ZDHHC21: variants seen among roughly 807,000 people sequenced by gnomAD.
ZDHHC21 encodes the protein palmitoyltransferase ZDHHC21.
Under a neutral mutation model 34.6 loss-of-function variants are expected in ZDHHC21, and 15 were observed. The observed-to-expected ratio is 0.43, with a 90% CI of 0.29 to 0.67. The LOEUF is 0.67. Among genes scored for constraint, ZDHHC21 ranks in the 30% least tolerant of loss-of-function variants. ZDHHC21 has a pLI of 0.14. For missense variants in ZDHHC21, 344 were observed against 327.7 expected (o/e 1.05, Z -0.38); for synonymous variants, 142 against 101.8 (o/e 1.40, Z -2.38).
chr9:14,665,702 T>C (rs951354986), intron 5 of ZDHHC21, among the ~76,000 whole-genome samples: 3 of 139,666 alleles, frequency 2.1e-5, no homozygotes, highest in Non-Finnish European at 4.7e-5. Context: ...TTCAACATTC[T>C]TAAAGAAAAG....
chr9:14,675,070 A>T (rs1364734207), intron 3 of ZDHHC21, among the ~76,000 whole-genome samples: 4 of 152,058 alleles, frequency 2.6e-5, no homozygotes, highest in Non-Finnish European at 4.4e-5. Context: ...AAATACTAAA[A>T]TTCATAGAAT....
At chr9:14,670,288 G>A (rs1835220002) in intron 5 of ZDHHC21, among the ~76,000 whole-genome samples, 1 of 152,054 alleles carries the variant, frequency 6.6e-6, no homozygotes, top group African/African-American at 2.4e-5. Flanking sequence ...GTTAGAGAAA[G>A]CCTACAATTT....
At chr9:14,682,648 G>A (rs568815124) in intron 2 of ZDHHC21, among the ~76,000 whole-genome samples, 239 of 152,226 alleles carry the variant, frequency 1.6e-3, no homozygotes, top group Non-Finnish European at 2.9e-3. Flanking sequence ...AGTTAACAAG[G>A]ATATCCAGGA....
chr9:14,622,748 C>A (rs1825522367), intron 8 of ZDHHC21: 2 of 985,076 alleles, frequency 2.0e-6, no homozygotes, highest in African/African-American at 1.7e-5. Context: ...TCTTTTGAGT[C>A]TGGAAGTAAG....
At chr9:14,625,242 T>C (rs754842680) in intron 8 of ZDHHC21, among the ~76,000 whole-genome samples, 1 of 152,072 alleles carries the variant, frequency 6.6e-6, no homozygotes, top group Non-Finnish European at 1.5e-5. Flanking sequence ...AAGAGGGAAA[T>C]GTCCTGTTAA....
chr9:14,665,872 G>A (rs375808364), intron 5 of ZDHHC21, among the ~76,000 whole-genome samples: 76 of 150,200 alleles, frequency 5.1e-4, no homozygotes, highest in African/African-American at 1.7e-3. Context: ...AAGGAACAAC[G>A]GGTACCAGCC....
rs528777461 is a variant in ZDHHC21 at position 14,678,159 on chromosome 9, C to T, written c.-46+1874G>A. On this transcript the variant is annotated intron_variant, in intron 3 of 9. Transcript: ENST00000380916. ...ACTCTCCATTTGAAATTTTTCCTGG[C>T]ACTTCAGTTCACAATGATTTATCTT... Among the ~76,000 whole-genome samples, 6 of 152,150 alleles carry T rather than the reference C, an allele frequency of 3.9e-5. No individual in the cohort carries two copies. In the East Asian group the frequency reaches 1.2e-3, roughly 29 times the overall value.
chr9:14,635,398 C>G (rs1365455946), intron 8 of ZDHHC21, among the ~76,000 whole-genome samples: 1 of 152,142 alleles, frequency 6.6e-6, no homozygotes, highest in Non-Finnish European at 1.5e-5. Context: ...ATCAAACTAT[C>G]AAAAGTCAAA....
chr9:14,597,213 C>T, the ZDHHC21 span, among the ~76,000 whole-genome samples: 4 of 152,086 alleles, frequency 2.6e-5, no homozygotes, highest in East Asian at 3.9e-4. Flanking sequence ...AGCTCAGCTC[C>T]CACCAGACTA....
chr9:14,639,119 A>G (rs566857875), intron 8 of ZDHHC21, among the ~76,000 whole-genome samples: 2 of 152,266 alleles, frequency 1.3e-5, no homozygotes, highest in Admixed American at 1.3e-4. Context: ...GTGTCTATCA[A>G]CAGATGAATG....
chr9:14,626,384 A>G (rs1407297676), intron 8 of ZDHHC21, among the ~76,000 whole-genome samples: 1 of 151,992 alleles, frequency 6.6e-6, no homozygotes, highest in Non-Finnish European at 1.5e-5. Context: ...GTAAAAGGAA[A>G]ACCCATAAAT....
intron 8 of ZDHHC21, among the ~76,000 whole-genome samples, chr9:14,629,830 T>C (rs10125272): frequency 0.76 from 114,757 of 151,910 alleles, 43,584 homozygotes; most frequent in African/African-American, 0.82. Flanking sequence ...AGGTGGATAT[T>C]GAGGTCAAGC....
intron 5 of ZDHHC21, among the ~76,000 whole-genome samples, chr9:14,670,898 T>C (rs564527390): frequency 6.6e-6 from 1 of 152,220 alleles, no homozygotes; most frequent in South Asian, 2.1e-4. Context: ...CTCTAAAGCC[T>C]TTCTTAGTCA....
chr9:14,622,419 G>A, intron 8 of ZDHHC21: 1 of 474,968 alleles, frequency 2.1e-6, no homozygotes, highest in Non-Finnish European at 2.7e-6. Context: ...GGGGGGCGGG[G>A]AAGTTCCTAA....
At chr9:14,591,443 G>A in the ZDHHC21 span, among the ~76,000 whole-genome samples, 1 of 152,086 alleles carries the variant, frequency 6.6e-6, no homozygotes, top group South Asian at 2.1e-4. Context: ...CTGGAGCCTT[G>A]ATCTTAGACT....
the ZDHHC21 span, chr9:14,593,437 AGGCT>A: frequency 6.6e-6 from 1 of 152,188 alleles, no homozygotes; most frequent in Non-Finnish European, 1.5e-5. Flanking sequence ...TTTCCAAAAC[AGGCT>A]TAACAGGAAA....
At chr9:14,602,773 A>C in the ZDHHC21 span, among the ~76,000 whole-genome samples, 1 of 152,120 alleles carries the variant, frequency 6.6e-6, no homozygotes, top group Non-Finnish European at 1.5e-5. Flanking sequence ...AACAAAGGAC[A>C]AAAGCCAGGC....
chr9:14,662,361 G>C, intron 5 of ZDHHC21, 35 bp from the exon 6 acceptor site: 1 of 1,501,644 alleles, frequency 6.7e-7, no homozygotes, highest in South Asian at 1.2e-5. Context: ...TTTAATGAAG[G>C]CAAGTGGGTA....
chr9:14,675,182 A>C (rs2131547125), intron 3 of ZDHHC21, among the ~76,000 whole-genome samples: 1 of 152,074 alleles, frequency 6.6e-6, no homozygotes, highest in South Asian at 2.1e-4. Flanking sequence ...TCTCTCAATG[A>C]GACACTTAAG....
Sources: gnomAD v4.1 joint callset for allele counts (sites outside exome capture counted in the v4.1 genomes callset) on GRCh38, gnomAD v4.1.1 for gene constraint, MANE v1.5 for transcripts, NCBI Gene and HGNC (gene_info 2026-07-23, HGNC 2026-07-21) for gene names.